PCDH15: variants seen among roughly 807,000 people sequenced by gnomAD.
The protein encoded by PCDH15 is protocadherin related 15.
Under a neutral mutation model 178.5 loss-of-function variants are expected in PCDH15, and 129 were observed. The ratio of observed to expected loss-of-function variants is 0.72; its 90% CI spans 0.63 to 0.84. The LOEUF (loss-of-function observed/expected upper bound fraction) is 0.84, where lower values mean the gene tolerates loss of function less well. PCDH15 is among the 40% of genes least tolerant of loss of function. The pLI is 0.00. For missense variants in PCDH15, 2,230 were observed against 2,099.9 expected (o/e 1.06, Z -1.21); for synonymous variants, 800 against 732.0 (o/e 1.09, Z -1.50).
chr10:54,477,260 C>T (rs1372101370), intron 3 of PCDH15, among the ~76,000 whole-genome samples: 2 of 152,102 alleles, frequency 1.3e-5, no homozygotes, highest in African/African-American at 2.4e-5. Flanking sequence ...AATGTTCTCC[C>T]TTTTCCTTTC....
chr10:55,478,875 A>G (rs1174824570), intron 2 of PCDH15, among the ~76,000 whole-genome samples: 1 of 150,788 alleles, frequency 6.6e-6, no homozygotes, highest in African/African-American at 2.4e-5. Context: ...CAAATTGGAA[A>G]ACCTAGGGGA....
intron 3 of PCDH15, among the ~76,000 whole-genome samples, chr10:54,477,750 C>A (rs1367510008): frequency 6.6e-6 from 1 of 152,078 alleles, no homozygotes; most frequent in East Asian, 1.9e-4. Context: ...CGTGTGCCAA[C>A]ACGTTCAACT....
intron 1 of PCDH15, among the ~76,000 whole-genome samples, chr10:55,249,962 A>G (rs981817821): frequency 5.4e-5 from 8 of 148,894 alleles, no homozygotes; most frequent in Non-Finnish European, 5.9e-5. Flanking sequence ...TGATCTCTAG[A>G]AAAAAAATCA....
intron 2 of PCDH15, among the ~76,000 whole-genome samples, chr10:55,471,986 C>T (rs1418275394): frequency 6.6e-6 from 1 of 152,094 alleles, no homozygotes; most frequent in Non-Finnish European, 1.5e-5. Context: ...GGTTTTATGC[C>T]CAGTTTCCCC....
intron 3 of PCDH15, among the ~76,000 whole-genome samples, chr10:54,392,621 A>G (rs1039129219): frequency 2.0e-5 from 3 of 151,630 alleles, no homozygotes; most frequent in African/African-American, 7.3e-5. Context: ...ATCTGTGGCC[A>G]GGCACGCTGG....
intron 2 of PCDH15, among the ~76,000 whole-genome samples, chr10:55,613,317 T>C (rs1382701192): frequency 6.6e-6 from 1 of 152,184 alleles, no homozygotes; most frequent in Non-Finnish European, 1.5e-5. Flanking sequence ...TGATCCAGGC[T>C]TCCTAGGTAT....
At chr10:53,873,625 A>C (rs761478796) in intron 26 of PCDH15, among the ~76,000 whole-genome samples, 5 of 152,252 alleles carry the variant, frequency 3.3e-5, no homozygotes, top group Non-Finnish European at 7.3e-5. Context: ...GTTTAAAAAT[A>C]AAACAACAAA....
chr10:55,568,654 T>G (rs1342871795), intron 2 of PCDH15, among the ~76,000 whole-genome samples: 1 of 152,014 alleles, frequency 6.6e-6, no homozygotes, highest in Non-Finnish European at 1.5e-5. Context: ...TATCGGGACT[T>G]CCAAAAGAGG....
intron 15 of PCDH15, among the ~76,000 whole-genome samples, chr10:54,110,783 A>AT (rs1251920324): frequency 5.9e-5 from 9 of 152,100 alleles, no homozygotes; most frequent in African/African-American, 1.4e-4. Flanking sequence ...CGAAGATGAC[A>AT]TTTTTTCCCT....
In PCDH15 at chr10:55,499,541, T is replaced by G. The variant is rs759696236; in HGVS notation, c.-156+128084A>C. Among the ~76,000 whole-genome samples the G allele has an allele frequency of 2.0e-5, 3 of 151,732 alleles. No individual in the cohort carries two copies. The Admixed American group carries it at 2.0e-4, about 10-fold the overall frequency. Reference sequence around the variant, plus strand: ...TGAAATCTTAATCAGTTTTCTTAGATGTCTTTGTACATTCTTTTAAAATTC... The same window carrying G: ...TGAAATCTTAATCAGTTTTCTTAGAGGTCTTTGTACATTCTTTTAAAATTC... On this transcript the variant is annotated intron_variant, in intron 2 of 5. Transcript: ENST00000613346.
In PCDH15 at chr10:53,806,685, T is replaced by G; in HGVS notation, c.5117A>C (p.Asn1706Thr). 1 of 1,613,872 alleles carries G rather than the reference T, an allele frequency of 6.2e-7. No individual in the cohort carries two copies. Residue 1706 changes from asparagine (N) to threonine (T), a missense_variant, in exon 38 of 38, where the codon AAC becomes ACC. Asn to Thr is a moderately conservative substitution (Grantham distance 65). Coordinates refer to ENST00000644397, the MANE Select transcript of PCDH15 (RefSeq NM_001384140.1). Reference sequence around the variant, plus strand: ...ATGAAATTCCAAAGCCTCCTTGATGTTCTTACTGTCAATCATGGACTCCTG... The same window carrying G: ...ATGAAATTCCAAAGCCTCCTTGATGGTCTTACTGTCAATCATGGACTCCTG... ...VEQESMIDSK[N>T]IKEALEFHSD...
At chr10:53,876,246 G>A (rs2080232895) in intron 26 of PCDH15, among the ~76,000 whole-genome samples, 1 of 148,480 alleles carries the variant, frequency 6.7e-6, no homozygotes, top group African/African-American at 2.5e-5. Context: ...GGAGTGCAGT[G>A]GCATGATCTC....
intron 10 of PCDH15, among the ~76,000 whole-genome samples, chr10:54,201,734 T>C (rs2050250496): frequency 9.8e-6 from 1 of 101,582 alleles, no homozygotes; most frequent in Admixed American, 1.2e-4. Context: ...GATAGATATT[T>C]ATGGATGTTT....
chr10:54,348,792 A>C (rs1053748221), intron 5 of PCDH15, among the ~76,000 whole-genome samples: 1 of 152,176 alleles, frequency 6.6e-6, no homozygotes. Context: ...TAGTTCAAGA[A>C]ATTTAAATTT....
intron 2 of PCDH15, among the ~76,000 whole-genome samples, chr10:54,622,733 TTA>T (rs373397879): frequency 0.15 from 5,433 of 35,762 alleles, 208 homozygotes; most frequent in Non-Finnish European, 0.2. Flanking sequence ...TATTATATAA[TTA>T]TATATATATT....
chr10:54,100,129 A>G (rs940747322), intron 15 of PCDH15, among the ~76,000 whole-genome samples: 2 of 152,086 alleles, frequency 1.3e-5, no homozygotes, highest in Admixed American at 1.3e-4. Flanking sequence ...GCACTTTGGG[A>G]GCCCAAGGCG....
At chr10:55,407,865 C>CTT (rs1385294995) in intron 2 of PCDH15, among the ~76,000 whole-genome samples, 1 of 152,126 alleles carries the variant, frequency 6.6e-6, no homozygotes, top group Non-Finnish European at 1.5e-5. Context: ...TAAGCTAAGA[C>CTT]TTCAACAAGG....
At chr10:54,272,195 T>C (rs2058093094) in intron 8 of PCDH15, among the ~76,000 whole-genome samples, 1 of 151,630 alleles carries the variant, frequency 6.6e-6, no homozygotes, top group Admixed American at 6.6e-5. Context: ...TGTCTACTGA[T>C]CCTGATGGCA....
chr10:54,337,281 G>C (rs1565004139), intron 6 of PCDH15, among the ~76,000 whole-genome samples: 1 of 152,012 alleles, frequency 6.6e-6, no homozygotes, highest in African/African-American at 2.4e-5. Flanking sequence ...AACTTTGAGG[G>C]ACTGTTGGTA....
Sources: gnomAD v4.1 joint callset for allele counts (sites outside exome capture counted in the v4.1 genomes callset) on GRCh38, gnomAD v4.1.1 for gene constraint, MANE v1.5 for transcripts, NCBI Gene and HGNC (gene_info 2026-07-23, HGNC 2026-07-21) for gene names.